The following VPS13B variants were observed in gnomAD, a reference collection of about 807,000 sequenced individuals.
VPS13B encodes intermembrane lipid transfer protein VPS13B.
VPS13B carries 285 observed loss-of-function variants against 426.4 expected under a neutral mutation model. The ratio of observed to expected loss-of-function variants is 0.67; its 90% CI spans 0.61 to 0.74. VPS13B has a LOEUF of 0.74. Among genes scored for constraint, VPS13B ranks in the 30% least tolerant of loss-of-function variants. VPS13B has a pLI of 0.00. For missense variants in VPS13B, 4,537 were observed against 4,782.6 expected, an observed-to-expected ratio of 0.95 and a Z score of 1.51; for synonymous variants, 1,676 against 1,676.4, an observed-to-expected ratio of 1.00 and a Z score of 0.01.
At chr8:99,465,584 C>A (rs1819072236) in intron 23 of VPS13B, among the ~76,000 whole-genome samples, 2 of 151,966 alleles carry the variant, frequency 1.3e-5, no homozygotes, top group South Asian at 2.1e-4. Context: ...TTTAGCATTT[C>A]TTGGATACAA....
intron 35 of VPS13B, among the ~76,000 whole-genome samples, chr8:99,685,671 A>G (rs1268139053): frequency 6.6e-6 from 1 of 152,142 alleles, no homozygotes; most frequent in Non-Finnish European, 1.5e-5. Flanking sequence ...TGCATTTTTC[A>G]ACTCCAGAAT....
intron 19 of VPS13B, among the ~76,000 whole-genome samples, chr8:99,359,312 A>T (rs939052015): frequency 6.6e-6 from 1 of 152,106 alleles, no homozygotes; most frequent in Non-Finnish European, 1.5e-5. Context: ...TACTTTGAAC[A>T]GTTGGTTCCT....
chr8:99,360,770 A>G (rs1588291761), intron 19 of VPS13B, among the ~76,000 whole-genome samples: 1 of 152,296 alleles, frequency 6.6e-6, no homozygotes, highest in Non-Finnish European at 1.5e-5. Flanking sequence ...TGACAGAAGT[A>G]AGGGAATTAA....
intron 19 of VPS13B, among the ~76,000 whole-genome samples, chr8:99,337,197 T>G (rs535460481): frequency 7.9e-5 from 12 of 152,016 alleles, no homozygotes; most frequent in Admixed American, 4.6e-4. Context: ...AAAATGATGA[T>G]TTCATGTCCT....
chr8:99,376,230 G>A (rs938179749), intron 19 of VPS13B, among the ~76,000 whole-genome samples: 16 of 152,172 alleles, frequency 1.1e-4, no homozygotes, highest in African/African-American at 3.9e-4. Context: ...TGTGGTCTGT[G>A]TCAACTCAAT....
At chr8:99,695,693 T>TATA (rs1169058918) in intron 35 of VPS13B, among the ~76,000 whole-genome samples, 1 of 98,500 alleles carries the variant, frequency 1.0e-5, no homozygotes, top group Non-Finnish European at 2.1e-5. Flanking sequence ...AAACTTAAAG[T>TATA]ATAATAAAAA....
chr8:99,549,220 TGTTAA>T (rs1165627139), intron 30 of VPS13B, among the ~76,000 whole-genome samples: 2 of 152,170 alleles, frequency 1.3e-5, no homozygotes, highest in African/African-American at 4.8e-5. Context: ...GTTAAAACAC[TGTTAA>T]GTTGATGAAA....
chr8:99,428,378 A>C (rs865879908), intron 21 of VPS13B, among the ~76,000 whole-genome samples: 6 of 152,196 alleles, frequency 3.9e-5, no homozygotes, highest in East Asian at 1.9e-4. Context: ...AAATTTTTGC[A>C]ATCTACCCAT....
intron 15 of VPS13B, among the ~76,000 whole-genome samples, chr8:99,161,543 C>T (rs1180270059): frequency 1.3e-5 from 2 of 152,016 alleles, no homozygotes; most frequent in South Asian, 2.1e-4. Flanking sequence ...AGTGTACTAC[C>T]GATATAGTTA....
Position 99,234,355 on chromosome 8 carries a change from C to T in VPS13B, c.2516-39843C>T, listed in dbSNP as rs561307734. The T allele has an allele frequency of 1.1e-5, 8 of 742,082 alleles. No homozygotes were observed. In the Admixed American group the frequency reaches 1.4e-4, roughly 13 times the overall value. The allele number at this position is 742,082 out of a possible 1,614,324, so 46.0% of individuals were successfully genotyped here. On this transcript the variant is annotated intron_variant, in intron 17 of 61. Coordinates refer to ENST00000357162, the MANE Select transcript of VPS13B (RefSeq NM_152564.5). ...CCAAAGGTGCATCCAACATCGCCCA[C>T]TGCAGGTGAGGAGGTATGTTTCAAA... is the stretch of plus-strand genomic sequence containing the variant.
At chr8:99,290,464 T>C (rs889036439) in intron 19 of VPS13B, among the ~76,000 whole-genome samples, 6 of 151,686 alleles carry the variant, frequency 4.0e-5, no homozygotes, top group African/African-American at 1.5e-4. Flanking sequence ...ATGAGAACAC[T>C]TGGACACAGG....
chr8:99,837,799 A>G (rs955476820), intron 54 of VPS13B, among the ~76,000 whole-genome samples: 1 of 152,222 alleles, frequency 6.6e-6, no homozygotes, highest in African/African-American at 2.4e-5. Flanking sequence ...GTGTCCTCTG[A>G]TGAAAGGAAG....
chr8:99,863,257 T>A (rs549701971), intron 58 of VPS13B, among the ~76,000 whole-genome samples: 1 of 152,270 alleles, frequency 6.6e-6, no homozygotes, highest in South Asian at 2.1e-4. Flanking sequence ...AAGAGTTGCC[T>A]GGTTTCCAAG....
chr8:99,373,151 G>A (rs373797000), intron 19 of VPS13B, among the ~76,000 whole-genome samples: 6 of 152,168 alleles, frequency 3.9e-5, no homozygotes, highest in East Asian at 3.9e-4. Flanking sequence ...ATCACACACC[G>A]GCACCTGTTG....
intron 21 of VPS13B, among the ~76,000 whole-genome samples, chr8:99,407,192 A>G (rs1277036720): frequency 1.3e-5 from 2 of 152,204 alleles, no homozygotes; most frequent in East Asian, 1.9e-4. Context: ...ATTTTCAACA[A>G]ATTGGTAGCC....
chr8:99,065,609 C>T (rs1844443152), intron 3 of VPS13B, among the ~76,000 whole-genome samples: 1 of 152,192 alleles, frequency 6.6e-6, no homozygotes, highest in Admixed American at 6.5e-5. Flanking sequence ...CAGGGATGCC[C>T]TCTCTCACCA....
At chr8:99,640,013 T>TAAGAAGAAGAAGAAGAAGAAG (rs1438997007) in intron 33 of VPS13B, among the ~76,000 whole-genome samples, 1 of 70,592 alleles carries the variant, frequency 1.4e-5, no homozygotes, top group African/African-American at 5.3e-5. Context: ...ATAATAATAA[T>TAAGAAGAAGAAGAAGAAGAAG]AATAATAATA....
intron 39 of VPS13B, among the ~76,000 whole-genome samples, chr8:99,759,257 G>GT (rs1810799533): frequency 6.6e-6 from 1 of 152,068 alleles, no homozygotes; most frequent in African/African-American, 2.4e-5. Context: ...CACAACTGCT[G>GT]TGACTCCTAA....
intron 41 of VPS13B, among the ~76,000 whole-genome samples, chr8:99,778,198 C>T (rs1015115447): frequency 6.7e-6 from 1 of 149,448 alleles, no homozygotes; most frequent in Admixed American, 6.7e-5. Flanking sequence ...CACCACTGCA[C>T]TCCAGCCTGG....
Sources: allele counts gnomAD v4.1 joint callset (sites outside exome capture counted in the v4.1 genomes callset), GRCh38; gene constraint gnomAD v4.1.1; transcripts MANE v1.5; gene names NCBI Gene and HGNC (gene_info 2026-07-23, HGNC 2026-07-21).